Variants in FAF1 observed in about 807,000 individuals in gnomAD.
FAF1 encodes the protein FAS-associated factor 1.
In FAF1, 25 loss-of-function variants were observed where a neutral mutation model predicts 92.5. That is an observed-to-expected ratio of 0.27 (90% CI 0.20 to 0.38). FAF1 has a LOEUF of 0.38. Among genes scored for constraint, FAF1 ranks in the 10% least tolerant of loss-of-function variants. The probability of loss-of-function intolerance (pLI) is 1.00; values close to 1 mark genes in which losing one functional copy is unlikely to be tolerated. For synonymous variants in FAF1, 234 were observed against 273.2 expected (o/e 0.86, Z 1.42); for missense variants, 636 against 793.3 (o/e 0.80, Z 2.38).
At chr1:50,613,141 T>C (rs1024345621) in intron 8 of FAF1, among the ~76,000 whole-genome samples, 1 of 152,210 alleles carries the variant, frequency 6.6e-6, no homozygotes, top group Non-Finnish European at 1.5e-5. Context: ...GAGAAATATA[T>C]AACCTACCTA....
At chr1:50,623,294 G>T (rs968279546) in intron 8 of FAF1, among the ~76,000 whole-genome samples, 1 of 152,092 alleles carries the variant, frequency 6.6e-6, no homozygotes, top group Non-Finnish European at 1.5e-5. Flanking sequence ...TAGGACAGGC[G>T]TGGTGGCTCA....
intron 3 of FAF1, among the ~76,000 whole-genome samples, 170 bp from the exon 4 acceptor site, chr1:50,788,375 G>A (rs1434346220): frequency 6.6e-6 from 1 of 152,108 alleles, no homozygotes; most frequent in Non-Finnish European, 1.5e-5. Flanking sequence ...CTTTCCCATT[G>A]ACTGAAGGCC....
intron 7 of FAF1, among the ~76,000 whole-genome samples, chr1:50,668,475 T>C (rs1188013113): frequency 6.6e-6 from 1 of 152,232 alleles, no homozygotes; most frequent in African/African-American, 2.4e-5. Context: ...GCAGAAAGCC[T>C]ATCTTAAGAA....
At chr1:50,914,427 C>T (rs2124725603) in intron 1 of FAF1, among the ~76,000 whole-genome samples, 1 of 152,326 alleles carries the variant, frequency 6.6e-6, no homozygotes, top group East Asian at 1.9e-4. Flanking sequence ...CAAGCTTACC[C>T]ACTGGCAAAC....
chr1:50,658,320 C>T (rs1216437375), intron 7 of FAF1, among the ~76,000 whole-genome samples: 6 of 152,002 alleles, frequency 3.9e-5, no homozygotes, highest in Admixed American at 3.3e-4. Flanking sequence ...CAAATATTTA[C>T]ATCCTTTTGG....
At chr1:50,666,832 G>A (rs990754551) in intron 7 of FAF1, among the ~76,000 whole-genome samples, 1 of 152,114 alleles carries the variant, frequency 6.6e-6, no homozygotes, top group African/African-American at 2.4e-5. Context: ...GCAGTGAGAC[G>A]AGGCCACACC....
At chr1:50,840,095 C>T (rs1644243697) in intron 2 of FAF1, among the ~76,000 whole-genome samples, 2 of 151,936 alleles carry the variant, frequency 1.3e-5, no homozygotes, top group African/African-American at 4.8e-5. Flanking sequence ...TCACACCATA[C>T]ACAAAAATTA....
At chr1:50,678,853 G>A (rs1029367642) in intron 7 of FAF1, among the ~76,000 whole-genome samples, 21 of 146,588 alleles carry the variant, frequency 1.4e-4, no homozygotes, top group Non-Finnish European at 2.2e-4. Context: ...TTGGGAGGCC[G>A]AGGCAGGCGG....
chr1:50,839,373 A>G (rs1019911990), intron 2 of FAF1, among the ~76,000 whole-genome samples: 4 of 152,164 alleles, frequency 2.6e-5, no homozygotes, highest in African/African-American at 9.6e-5. Flanking sequence ...TTGATATGCA[A>G]AGAAGTCTGG....
intron 18 of FAF1, chr1:50,469,649 G>C (rs1204554668): frequency 2.0e-5 from 3 of 152,210 alleles, no homozygotes; most frequent in African/African-American, 7.2e-5. Context: ...TCACTCAAGA[G>C]ACAGTGGGGA....
At chr1:50,770,650 T>C (rs1011388294) in intron 4 of FAF1, among the ~76,000 whole-genome samples, 4 of 152,198 alleles carry the variant, frequency 2.6e-5, no homozygotes, top group Admixed American at 6.5e-5. Flanking sequence ...ATAGGAAGCA[T>C]GAATATTATG....
chr1:50,778,985 C>A (rs945892719), intron 4 of FAF1, among the ~76,000 whole-genome samples: 15 of 152,170 alleles, frequency 9.9e-5, no homozygotes, highest in African/African-American at 3.1e-4. Context: ...TTCTCTCAAA[C>A]CCTGCCACTG....
intron 2 of FAF1, among the ~76,000 whole-genome samples, chr1:50,838,419 T>C (rs1644229287): frequency 6.7e-6 from 1 of 150,028 alleles, no homozygotes; most frequent in African/African-American, 2.4e-5. Context: ...TAATTTTACA[T>C]GTTAATGTAA....
At chr1:50,676,342 G>C (rs1569738766) in intron 7 of FAF1, among the ~76,000 whole-genome samples, 1 of 151,646 alleles carries the variant, frequency 6.6e-6, no homozygotes, top group African/African-American at 2.4e-5. Context: ...AGGAGGTGGA[G>C]GTTGCAGTGA....
At chr1:50,884,411 C>T (rs1644639938) in intron 1 of FAF1, among the ~76,000 whole-genome samples, 1 of 151,534 alleles carries the variant, frequency 6.6e-6, no homozygotes, top group Admixed American at 6.6e-5. Flanking sequence ...ACCTGCAGTC[C>T]CAGCTACTCG....
At chr1:50,710,425 T>A (rs906495875) in intron 6 of FAF1, among the ~76,000 whole-genome samples, 1 of 152,202 alleles carries the variant, frequency 6.6e-6, no homozygotes, top group African/African-American at 2.4e-5. Context: ...GTTTCACTAC[T>A]TGCTAGTTCT....
At chr1:50,584,559 T>C in intron 10 of FAF1, 126 bp downstream of exon 10, 1 of 830,668 alleles carries the variant, frequency 1.2e-6, no homozygotes, top group Admixed American at 2.8e-5. Flanking sequence ...GAATGCCTAC[T>C]CTCTATTATC....
rs369327798 is a variant in FAF1, at chr1:50,735,065, T to A, written c.551+3798A>T. Among the ~76,000 whole-genome samples the A allele has an allele frequency of 1.3e-4, 20 of 152,272 alleles. 1 individual carries two copies. Among genetic ancestry groups the A allele is most frequent in the African/African-American group, 4.8e-4 (20 of 41,558 alleles). ...GGAATGAGTTGGTATCTAAGAATAT[T>A]TTCTATACAGGAATAACTTAAGAAA... On this transcript the variant is annotated intron_variant, in intron 6 of 18. Coordinates refer to ENST00000396153, the MANE Select transcript of FAF1 (RefSeq NM_007051.3).
chr1:50,817,715 G>A (rs1643992060), intron 2 of FAF1, among the ~76,000 whole-genome samples: 2 of 152,086 alleles, frequency 1.3e-5, no homozygotes, highest in Non-Finnish European at 2.9e-5. Context: ...CTACTAACAG[G>A]CACAGGGTTT....
Sources: allele counts gnomAD v4.1 joint callset (sites outside exome capture counted in the v4.1 genomes callset), GRCh38; gene constraint gnomAD v4.1.1; transcripts MANE v1.5; gene names NCBI Gene and HGNC (gene_info 2026-07-23, HGNC 2026-07-21).